SPART: variants seen among roughly 807,000 people sequenced by gnomAD.
The protein encoded by SPART is spastic paraplegia 20 (Troyer syndrome).
SPART carries 35 observed loss-of-function variants against 58.7 expected under a neutral mutation model. The observed-to-expected ratio is 0.60, with a 90% CI of 0.46 to 0.79. SPART has a LOEUF of 0.79. Among genes scored for constraint, SPART ranks in the 30% least tolerant of loss-of-function variants. The probability of loss-of-function intolerance (pLI) is 0.00; values close to 1 mark genes in which losing one functional copy is unlikely to be tolerated. For synonymous variants in SPART, 284 were observed against 280.7 expected (o/e 1.01, Z -0.12); for missense variants, 730 against 786.1 (o/e 0.93, Z 0.85).
intron 1 of SPART, among the ~76,000 whole-genome samples, chr13:36,352,103 T>A (rs1246613819): frequency 6.6e-6 from 1 of 152,204 alleles, no homozygotes; most frequent in Non-Finnish European, 1.5e-5. Context: ...AATGTTTTAA[T>A]AATGTTCTAA....
Position 36,314,431 on chromosome 13 carries a change from A to G in SPART, c.1289-10T>C. 6.2e-7 allele frequency: 1 copy of G among 1,613,806 alleles called. No homozygotes were observed. The highest frequency in any genetic ancestry group is 8.5e-7 in the Non-Finnish European group (1 of 1,179,738). ...CTCACCCAGGAAGCACCTTTTTAAA[A>G]GAAAATTTAAAATTGCACAATATTA... On this transcript the variant is annotated splice_polypyrimidine_tract_variant and intron_variant, in intron 5 of 8. Transcript: ENST00000438666.
At chr13:36,332,958 T>A (rs1883596158) in intron 2 of SPART, among the ~76,000 whole-genome samples, 1 of 151,920 alleles carries the variant, frequency 6.6e-6, no homozygotes. Flanking sequence ...TGGTATAGAG[T>A]TGACAAAAAA....
rs1482217098 is a variant in SPART at position 36,331,475 on chromosome 13, A to G, written c.932T>C (p.Leu311Pro). Residue 311 changes from leucine to proline, a missense_variant, in exon 3 of 9, where the codon CTG becomes CCG. Physicochemically the swap from Leu to Pro is moderately conservative, Grantham distance 98 (BLOSUM62 -3). Coordinates refer to ENST00000438666, the MANE Select transcript of SPART (RefSeq NM_015087.5). ...ATCATCCTCTGGTAACTCAGAGGAC[A>G]GGACGACCCCCACAAAGCATCCTGC... Reference protein sequence around the residue: ...QAAGCFVGVVLSSELPEDDRE... With the variant: ...QAAGCFVGVVPSSELPEDDRE... 6.2e-7 allele frequency: 1 copy of G among 1,614,182 alleles called. No individual in the cohort carries two copies. The highest frequency in any genetic ancestry group is 1.1e-5 in the South Asian group (1 of 91,086).
chr13:36,333,678 G>A (rs1484835889), intron 2 of SPART, among the ~76,000 whole-genome samples: 1 of 152,154 alleles, frequency 6.6e-6, no homozygotes, highest in African/African-American at 2.4e-5. Context: ...ATGAGTGAAT[G>A]TAACCACGGT....
chr13:36,332,362 G>A (rs1048561990), intron 2 of SPART, among the ~76,000 whole-genome samples: 5 of 152,126 alleles, frequency 3.3e-5, no homozygotes, highest in African/African-American at 4.8e-5. Context: ...GCTGGGGGTG[G>A]TAGTGCATGC....
chr13:36,345,292 G>A (rs1006417077), intron 1 of SPART, among the ~76,000 whole-genome samples: 1 of 152,178 alleles, frequency 6.6e-6, no homozygotes, highest in Non-Finnish European at 1.5e-5. Context: ...CCACATTACA[G>A]AAAGGCTTCC....
intron 3 of SPART, among the ~76,000 whole-genome samples, chr13:36,330,214 T>C (rs1883330515): frequency 6.6e-6 from 1 of 152,204 alleles, no homozygotes; most frequent in Non-Finnish European, 1.5e-5. Context: ...CTTAAGAGCA[T>C]CATTTCACTC....
At chr13:36,320,520 A>T (rs906433879) in intron 5 of SPART, among the ~76,000 whole-genome samples, 1 of 152,086 alleles carries the variant, frequency 6.6e-6, no homozygotes, top group East Asian at 1.9e-4. Flanking sequence ...AGAACCTCTC[A>T]TTTCCTTTCC....
intron 1 of SPART, among the ~76,000 whole-genome samples, chr13:36,342,000 G>A (rs1343502284): frequency 5.3e-5 from 8 of 152,168 alleles, no homozygotes; most frequent in African/African-American, 2.4e-5. Context: ...CCAGACTAAG[G>A]CAGCAGAAAG....
chr13:36,339,165 T>C (rs1884318327), intron 1 of SPART, among the ~76,000 whole-genome samples: 1 of 151,230 alleles, frequency 6.6e-6, no homozygotes, highest in Non-Finnish European at 1.5e-5. Context: ...AAAAGTGGGA[T>C]GCGTGCATAC....
intron 5 of SPART, among the ~76,000 whole-genome samples, chr13:36,322,035 T>A (rs1415273992): frequency 2.0e-5 from 3 of 151,944 alleles, no homozygotes; most frequent in African/African-American, 7.3e-5. Flanking sequence ...GGACTGTAAT[T>A]TTCCTTTACC....
intron 1 of SPART, among the ~76,000 whole-genome samples, chr13:36,354,626 G>A (rs529711635): frequency 2.4e-4 from 36 of 152,266 alleles, no homozygotes; most frequent in Middle Eastern, 6.8e-3. Flanking sequence ...TGGAGCTTGC[G>A]CCTGTTTTCT....
upstream of SPART, among the ~76,000 whole-genome samples, chr13:36,349,879 G>C (rs1885344497): frequency 1.3e-5 from 2 of 152,198 alleles, no homozygotes; most frequent in African/African-American, 4.8e-5. Context: ...TTATTTTTCT[G>C]GATTTTGTGG....
Position 36,312,124 on chromosome 13 carries a change from T to C in SPART, c.1733+21A>G, listed in dbSNP as rs773304578. 5.0e-6 allele frequency: 8 copies of C among 1,599,982 alleles called. No individual in the cohort carries two copies. In the African/African-American group the frequency reaches 8.0e-5, roughly 16 times the overall value. On this transcript the variant is annotated intron_variant, in intron 8 of 8. Coordinates refer to ENST00000438666, the MANE Select transcript of SPART (RefSeq NM_015087.5). ...CAACAACAAAACAGAGATTTAGTCA[T>C]TAAAATAAAATTCAACTTACTTGTA...
upstream of SPART, among the ~76,000 whole-genome samples, chr13:36,348,320 T>C (rs1885270711): frequency 6.6e-6 from 1 of 152,216 alleles, no homozygotes; most frequent in Non-Finnish European, 1.5e-5. Flanking sequence ...GGAAATCTTT[T>C]ATTGGTCATC....
intron 5 of SPART, among the ~76,000 whole-genome samples, chr13:36,319,787 T>C (rs534514674): frequency 1.5e-4 from 21 of 144,252 alleles, no homozygotes; most frequent in Middle Eastern, 3.5e-3. Context: ...GCTCAGCAAA[T>C]TACCTAGGCT....
At chr13:36,316,761 A>G (rs1881757985) in intron 5 of SPART, among the ~76,000 whole-genome samples, 1 of 152,116 alleles carries the variant, frequency 6.6e-6, no homozygotes, top group Admixed American at 6.5e-5. Flanking sequence ...CTTCACACAG[A>G]CGCGCATGAA....
In SPART at chr13:36,335,273, G is replaced by A. The variant is rs1178283675; in HGVS notation, c.558C>T (p.Ser186=). ...PQAAEGHYTV[S]YGTDSGEFSS... ...AAAACTCCCCAGAATCTGTTCCATA[G>A]GATACAGTGTAGTGACCTTCAGCAG... The change falls in exon 2 of 9, where the codon TCC becomes TCT. Residue 186 remains serine, a synonymous_variant. Transcript: ENST00000438666. 6.2e-7 allele frequency: 1 copy of A among 1,614,122 alleles called. No individual in the cohort carries two copies. The highest frequency in any genetic ancestry group is 1.1e-5 in the South Asian group (1 of 91,076).
intron 2 of SPART, among the ~76,000 whole-genome samples, chr13:36,334,597 G>A (rs1282394077): frequency 6.6e-6 from 1 of 152,126 alleles, no homozygotes; most frequent in African/African-American, 2.4e-5. Context: ...ACCCTGGGTT[G>A]AGAACAACTG....
Sources: gnomAD v4.1 joint callset for allele counts (sites outside exome capture counted in the v4.1 genomes callset) on GRCh38, gnomAD v4.1.1 for gene constraint, MANE v1.5 for transcripts, NCBI Gene and HGNC (gene_info 2026-07-23, HGNC 2026-07-21) for gene names.